Variants in RNGTT observed in about 807,000 individuals in gnomAD.
The protein encoded by RNGTT is mRNA-capping enzyme.
In RNGTT, 33 loss-of-function variants were observed where a neutral mutation model predicts 79.3. The observed-to-expected ratio is 0.42, with a 90% CI of 0.32 to 0.56. RNGTT has a LOEUF of 0.56. Among genes scored for constraint, RNGTT ranks in the 20% least tolerant of loss-of-function variants. The probability of loss-of-function intolerance (pLI) is 0.17; values close to 1 mark genes in which losing one functional copy is unlikely to be tolerated. For synonymous variants in RNGTT, 222 were observed against 235.9 expected, an observed-to-expected ratio of 0.94 and a Z score of 0.54; for missense variants, 497 against 739.1, an observed-to-expected ratio of 0.67 and a Z score of 3.80.
intron 11 of RNGTT, among the ~76,000 whole-genome samples, chr6:88,836,009 C>G (rs989569406): frequency 8.2e-6 from 1 of 122,020 alleles, no homozygotes; most frequent in Admixed American, 8.6e-5. Flanking sequence ...CACACACACA[C>G]ACACACACAC....
chr6:88,849,206 CT>C (rs1236187341), intron 10 of RNGTT, among the ~76,000 whole-genome samples: 1 of 151,946 alleles, frequency 6.6e-6, no homozygotes, highest in Non-Finnish European at 1.5e-5. Context: ...CAAAATAAAA[CT>C]TGATGTTTTC....
At chr6:88,939,398 C>T (rs1784774801) in intron 2 of RNGTT, among the ~76,000 whole-genome samples, 1 of 152,212 alleles carries the variant, frequency 6.6e-6, no homozygotes, top group Middle Eastern at 3.4e-3. Flanking sequence ...ATTATTGAAG[C>T]TTTGATCTAT....
intron 13 of RNGTT, among the ~76,000 whole-genome samples, chr6:88,729,105 C>A (rs1015799501): frequency 6.6e-6 from 1 of 152,148 alleles, no homozygotes; most frequent in Non-Finnish European, 1.5e-5. Context: ...CGACACCCTG[C>A]GGGTCAGCCC....
At chr6:88,835,559 G>A (rs1282552419) in intron 11 of RNGTT, among the ~76,000 whole-genome samples, 1 of 152,086 alleles carries the variant, frequency 6.6e-6, no homozygotes, top group Non-Finnish European at 1.5e-5. Context: ...ATTTTAGAGT[G>A]GTCTTTCCCA....
intron 14 of RNGTT, among the ~76,000 whole-genome samples, chr6:88,615,551 C>T (rs1197346408): frequency 6.6e-6 from 1 of 152,150 alleles, no homozygotes; most frequent in East Asian, 1.9e-4. Context: ...CTCAAATATT[C>T]ATTATTTTAG....
In RNGTT at chr6:88,775,774, T is replaced by C. The variant is rs1310034937; in HGVS notation, c.1339-5900A>G. On this transcript the variant is annotated intron_variant, in intron 12 of 15. Transcript: ENST00000369485. ...GTACTCAACTTTTTGAGATTCCACA[T>C]GTAAGTGAAATCACACACCATTTCT... is the stretch of plus-strand genomic sequence containing the variant. Among the ~76,000 whole-genome samples the C allele has an allele frequency of 3.9e-4, 59 of 152,210 alleles. 1 individual carries two copies. Among genetic ancestry groups the C allele is most frequent in the Admixed American group, 3.9e-3 (59 of 15,270 alleles).
At chr6:88,822,446 TC>T (rs757600087) in intron 11 of RNGTT, among the ~76,000 whole-genome samples, 14 of 152,220 alleles carry the variant, frequency 9.2e-5, no homozygotes, top group Non-Finnish European at 1.9e-4. Context: ...ACTATGTTTT[TC>T]AAAGACTTTC....
intron 13 of RNGTT, among the ~76,000 whole-genome samples, chr6:88,708,103 T>C (rs971920918): frequency 6.6e-6 from 1 of 152,050 alleles, no homozygotes; most frequent in Non-Finnish European, 1.5e-5. Flanking sequence ...GCCATATGAA[T>C]ACACTTTGTA....
chr6:88,656,811 C>A (rs1773997121), intron 14 of RNGTT, among the ~76,000 whole-genome samples: 1 of 151,514 alleles, frequency 6.6e-6, no homozygotes. Context: ...TGAGGAAGGC[C>A]AGGCACAGTG....
chr6:88,774,302 G>GAA (rs34763553), intron 12 of RNGTT, among the ~76,000 whole-genome samples: 19,440 of 150,216 alleles, frequency 0.13, 1,411 homozygotes, highest in Middle Eastern at 0.23. Flanking sequence ...CTATAATTTA[G>GAA]AAAAAAAAAC....
intron 11 of RNGTT, among the ~76,000 whole-genome samples, chr6:88,835,057 T>C (rs1040717178): frequency 2.6e-5 from 4 of 152,096 alleles, no homozygotes; most frequent in African/African-American, 9.7e-5. Context: ...AAGCAAACAT[T>C]TTACTTTTGA....
intron 4 of RNGTT, among the ~76,000 whole-genome samples, chr6:88,917,976 T>C (rs1364949942): frequency 6.6e-6 from 1 of 152,150 alleles, no homozygotes; most frequent in African/African-American, 2.4e-5. Flanking sequence ...TTCTAAGTTA[T>C]GAGTGCTTAG....
intron 13 of RNGTT, among the ~76,000 whole-genome samples, chr6:88,725,658 T>C (rs527800022): frequency 1.3e-5 from 2 of 152,214 alleles, no homozygotes; most frequent in Admixed American, 6.5e-5. Context: ...GAAATCCCCA[T>C]GAGGGGGAGT....
At chr6:88,952,918 G>A (rs183177912) in intron 1 of RNGTT, among the ~76,000 whole-genome samples, 32 of 152,308 alleles carry the variant, frequency 2.1e-4, no homozygotes, top group African/African-American at 7.5e-4. Context: ...CCTAGAGGAA[G>A]GGAGAGAGCA....
chr6:88,917,193 T>C (rs576081696), intron 4 of RNGTT, among the ~76,000 whole-genome samples: 7 of 152,356 alleles, frequency 4.6e-5, no homozygotes, highest in East Asian at 3.9e-4. Flanking sequence ...CCACAAAACA[T>C]GCTACTTTTA....
chr6:88,704,492 A>G (rs1776065131), intron 13 of RNGTT, among the ~76,000 whole-genome samples: 1 of 152,100 alleles, frequency 6.6e-6, no homozygotes, highest in South Asian at 2.1e-4. Flanking sequence ...ACTCTCCTTT[A>G]TGATCAAAGA....
chr6:88,783,692 A>G (rs917463504), intron 12 of RNGTT, among the ~76,000 whole-genome samples: 14 of 152,200 alleles, frequency 9.2e-5, no homozygotes, highest in Non-Finnish European at 1.5e-4. Context: ...CACAGTCTAA[A>G]GCAGGGTTCT....
chr6:88,956,346 A>G (rs1251377047), intron 1 of RNGTT, among the ~76,000 whole-genome samples: 1 of 151,986 alleles, frequency 6.6e-6, no homozygotes, highest in East Asian at 1.9e-4. Context: ...GCAAGACTGA[A>G]ACAGTCATAA....
At chr6:88,953,941 A>G (rs894996102) in intron 1 of RNGTT, among the ~76,000 whole-genome samples, 8 of 152,220 alleles carry the variant, frequency 5.3e-5, no homozygotes, top group African/African-American at 1.9e-4. Flanking sequence ...GGCCACTACA[A>G]GAAATGAAAG....
Sources: gnomAD v4.1 joint callset for allele counts (sites outside exome capture counted in the v4.1 genomes callset) on GRCh38, gnomAD v4.1.1 for gene constraint, MANE v1.5 for transcripts, NCBI Gene and HGNC (gene_info 2026-07-23, HGNC 2026-07-21) for gene names.